TDRP: variants seen among roughly 807,000 people sequenced by gnomAD.
TDRP encodes the protein testis development-related protein.
TDRP carries 12 observed loss-of-function variants against 10.5 expected under a neutral mutation model. The ratio of observed to expected loss-of-function variants is 1.15; its 90% CI spans 0.73 to 1.86. The LOEUF is 1.86. Ranked by LOEUF, TDRP falls within the 40% of genes most tolerant of loss-of-function variation. The pLI is 0.00. For synonymous variants in TDRP, 139 were observed against 95.4 expected, an observed-to-expected ratio of 1.46 and a Z score of -2.67; for missense variants, 353 against 229.2, an observed-to-expected ratio of 1.54 and a Z score of -3.49.
intron 1 of TDRP, among the ~76,000 whole-genome samples, chr8:508,463 C>A (rs1415410144): frequency 1.3e-5 from 2 of 152,174 alleles, no homozygotes; most frequent in East Asian, 3.8e-4. Flanking sequence ...AAGGCAAAGG[C>A]ATATCTAATA....
intron 1 of TDRP, among the ~76,000 whole-genome samples, chr8:510,531 G>A (rs902209953): frequency 2.6e-5 from 4 of 152,298 alleles, no homozygotes; most frequent in South Asian, 2.1e-4. Context: ...AAGATTAACA[G>A]CTGACTCTCA....
At chr8:511,113 G>T (rs1801605412) in intron 1 of TDRP, among the ~76,000 whole-genome samples, 1 of 152,122 alleles carries the variant, frequency 6.6e-6, no homozygotes, top group South Asian at 2.1e-4. Context: ...AAGGGAAATG[G>T]CAGATGTAAA....
At position 512,971 on chromosome 8, in the gene TDRP, CA is replaced by C. The variant is rs34201826; in HGVS notation, c.109-18375del. On this transcript the variant is annotated intron_variant, in intron 1 of 2. Coordinates refer to ENST00000324079, the MANE Select transcript of TDRP (RefSeq NM_001384899.1). ...TGGGTGACAGAGCAAGATTTCACCT[CA>C]AAAAAAAAAAAAACAAGGTGGAGAA... Among the ~76,000 whole-genome samples, 1,218 of 147,280 alleles carry C rather than the reference CA, an allele frequency of 8.3e-3. 64 individuals are homozygous for C. In the East Asian group the frequency reaches 0.17, roughly 21 times the overall value.
chr8:491,934 CA>C lies in TDRP; in HGVS notation c.*464del. 1 of 1,136,282 alleles carries C rather than the reference CA, an allele frequency of 8.8e-7. No individual in the cohort carries two copies. The highest frequency in any genetic ancestry group is 1.1e-6 in the Non-Finnish European group (1 of 928,380). The allele number at this position is 1,136,282 out of a possible 1,614,324, so 70.4% of individuals were successfully genotyped here. On this transcript the variant is annotated 3_prime_UTR_variant, in exon 3 of 3. Transcript: ENST00000324079. ...ATTTGTCAAGTTAAACAAAATTTAA[CA>C]TAACTTTGGAAGATTCATCTTACCT...
chr8:518,561 A>G (rs1269261761), intron 1 of TDRP, among the ~76,000 whole-genome samples: 1 of 152,226 alleles, frequency 6.6e-6, no homozygotes, highest in Non-Finnish European at 1.5e-5. Flanking sequence ...GAAAAAGAAC[A>G]AAAGTCTAGG....
chr8:523,786 G>C (rs576224689), intron 1 of TDRP, among the ~76,000 whole-genome samples: 107 of 152,272 alleles, frequency 7.0e-4, no homozygotes, highest in Non-Finnish European at 1.1e-3. Context: ...CAGTAGAATA[G>C]AGCACCAGGT....
At chr8:544,434 C>G (rs894924024) in intron 1 of TDRP, among the ~76,000 whole-genome samples, 7 of 152,098 alleles carry the variant, frequency 4.6e-5, no homozygotes, top group Non-Finnish European at 8.8e-5. Flanking sequence ...CGGACCACAG[C>G]GGCAACTCAG....
intron 1 of TDRP, among the ~76,000 whole-genome samples, chr8:541,664 T>G (rs1403482933): frequency 1.3e-5 from 2 of 152,218 alleles, no homozygotes; most frequent in Admixed American, 6.5e-5. Flanking sequence ...AAGATGCTCA[T>G]GTCATTTATC....
chr8:519,938 A>G (rs904797781), intron 1 of TDRP, among the ~76,000 whole-genome samples: 4 of 152,226 alleles, frequency 2.6e-5, no homozygotes, highest in African/African-American at 9.6e-5. Flanking sequence ...ATATGACCAG[A>G]TAAGTGGGCA....
chr8:517,766 T>C (rs779219070), intron 1 of TDRP, among the ~76,000 whole-genome samples: 2 of 152,224 alleles, frequency 1.3e-5, no homozygotes, highest in Admixed American at 6.5e-5. Flanking sequence ...AAAATTGTCA[T>C]TGTGTCTCAG....
chr8:505,533 C>T (rs1801436448), intron 1 of TDRP, among the ~76,000 whole-genome samples: 1 of 152,168 alleles, frequency 6.6e-6, no homozygotes, highest in Non-Finnish European at 1.5e-5. Flanking sequence ...GCTAGAAATA[C>T]CTCAGACGGG....
In TDRP at chr8:497,748, G is replaced by C. The variant is rs962087994; in HGVS notation, c.109-3151C>G. Among the ~76,000 whole-genome samples, 13 of 152,300 alleles carry C rather than the reference G, an allele frequency of 8.5e-5. No homozygotes were observed. The East Asian group carries it at 2.5e-3, about 30-fold the overall frequency. ...CTTCATGGCAGCCCCTCCCATCACA[G>C]GTCCAGAGGCCTAGGAGGGAAAAAT... On this transcript the variant is annotated intron_variant, in intron 1 of 2. Transcript: ENST00000324079.
chr8:517,728 T>C (rs1295257532), intron 1 of TDRP, among the ~76,000 whole-genome samples: 2 of 152,182 alleles, frequency 1.3e-5, no homozygotes, highest in African/African-American at 4.8e-5. Flanking sequence ...TGGGTACATG[T>C]TCTCAAGATC....
At chr8:526,085 G>A (rs1004700159) in intron 1 of TDRP, among the ~76,000 whole-genome samples, 1 of 152,186 alleles carries the variant, frequency 6.6e-6, no homozygotes, top group African/African-American at 2.4e-5. Flanking sequence ...TGCACAATAT[G>A]CCTTTATTGT....
intron 1 of TDRP, among the ~76,000 whole-genome samples, chr8:507,488 T>C (rs1347876093): frequency 6.6e-6 from 1 of 152,148 alleles, no homozygotes; most frequent in Admixed American, 6.5e-5. Flanking sequence ...GGACATTTTT[T>C]AAACCATACA....
chr8:528,847 A>ATG lies in TDRP; in HGVS notation c.108+15801_108+15802dup, dbSNP rs144392634. Among the ~76,000 whole-genome samples, 473 of 151,418 alleles carry ATG rather than the reference A, an allele frequency of 3.1e-3. 2 individuals carry two copies. The highest frequency in any genetic ancestry group is 7.2e-3 in the African/African-American group (296 of 41,340). On this transcript the variant is annotated intron_variant, in intron 1 of 2. Coordinates refer to ENST00000324079, the MANE Select transcript of TDRP (RefSeq NM_001384899.1). ...TGTGTGTATATATGTGTGTGTATAT[A>ATG]TGTGTGTGTGTGTGTAAAGGGGAAT...
At chr8:524,498 A>G (rs1326272122) in intron 1 of TDRP, among the ~76,000 whole-genome samples, 1 of 152,246 alleles carries the variant, frequency 6.6e-6, no homozygotes, top group Non-Finnish European at 1.5e-5. Flanking sequence ...GAGAATTCAA[A>G]ATAACTACTT....
intron 1 of TDRP, among the ~76,000 whole-genome samples, chr8:538,181 CT>C (rs1216079087): frequency 1.3e-5 from 2 of 152,292 alleles, no homozygotes; most frequent in African/African-American, 4.8e-5. Context: ...GCAAAGGAGT[CT>C]CGGGATGGGA....
intron 1 of TDRP, among the ~76,000 whole-genome samples, chr8:525,471 A>G (rs1161626326): frequency 6.6e-6 from 1 of 152,328 alleles, no homozygotes; most frequent in South Asian, 2.1e-4. Flanking sequence ...TTATACTTTA[A>G]ATGACAAACC....
Sources: allele counts gnomAD v4.1 joint callset (sites outside exome capture counted in the v4.1 genomes callset), GRCh38; gene constraint gnomAD v4.1.1; transcripts MANE v1.5; gene names NCBI Gene and HGNC (gene_info 2026-07-23, HGNC 2026-07-21).